The following DPP4 variants were observed in gnomAD, a reference collection of about 807,000 sequenced individuals.
The protein encoded by DPP4 is dipeptidyl peptidase 4, also known as ADCP-2.
DPP4 carries 93 observed loss-of-function variants against 122.4 expected under a neutral mutation model. The observed-to-expected ratio is 0.76, with a 90% CI of 0.64 to 0.90. The LOEUF (loss-of-function observed/expected upper bound fraction) is 0.90, where lower values mean the gene tolerates loss of function less well. DPP4 is among the 40% of genes least tolerant of loss of function. The pLI is 0.00. For missense variants in DPP4, 914 were observed against 907.3 expected (o/e 1.01, Z -0.09); for synonymous variants, 321 against 302.9 (o/e 1.06, Z -0.62).
At chr2:162,023,484 C>G (rs1253708165) in intron 11 of DPP4, among the ~76,000 whole-genome samples, 1 of 152,226 alleles carries the variant, frequency 6.6e-6, no homozygotes, top group African/African-American at 2.4e-5. Flanking sequence ...ACCTCTCCCC[C>G]AGTCCCTAGT....
At chr2:162,038,483 T>G in intron 7 of DPP4, 61 bp from the exon 8 acceptor site, 1 of 1,508,564 alleles carries the variant, frequency 6.6e-7, no homozygotes, top group Non-Finnish European at 9.0e-7. Flanking sequence ...TATCCCGGAA[T>G]TGTAGAAACA....
chr2:162,074,069 T>C lies in DPP4; in HGVS notation c.-88A>G. ...GGCGGAGACGCGCGTCCTGCACCGCTGCTCCGGGCGGTGGAGTCACTCGCC... is the reference window on the plus strand; with the variant it reads ...GGCGGAGACGCGCGTCCTGCACCGCCGCTCCGGGCGGTGGAGTCACTCGCC... On this transcript the variant is annotated 5_prime_UTR_variant, in exon 1 of 26. Transcript: ENST00000360534. 6.5e-7 allele frequency: 1 copy of C among 1,536,610 alleles called. No individual in the cohort carries two copies. The highest frequency in any genetic ancestry group is 8.7e-7 in the Non-Finnish European group (1 of 1,142,906).
intron 10 of DPP4, among the ~76,000 whole-genome samples, chr2:162,031,178 T>G (rs1409572757): frequency 6.6e-6 from 1 of 152,226 alleles, no homozygotes; most frequent in African/African-American, 2.4e-5. Context: ...TAACTTGCTG[T>G]GTGACCTTGA....
chr2:162,019,685 G>A (rs1188489965), intron 14 of DPP4, among the ~76,000 whole-genome samples: 1 of 151,832 alleles, frequency 6.6e-6, no homozygotes, highest in African/African-American at 2.4e-5. Context: ...GAGCAGCAGA[G>A]CCACTGCTAA....
chr2:162,061,821 T>C, intron 2 of DPP4, among the ~76,000 whole-genome samples: 1 of 152,176 alleles, frequency 6.6e-6, no homozygotes, highest in East Asian at 1.9e-4. Context: ...CTCCTGCCCT[T>C]ATGAAGCTTA....
At chr2:162,000,334 T>C (rs1349474400) in intron 23 of DPP4, among the ~76,000 whole-genome samples, 1 of 152,162 alleles carries the variant, frequency 6.6e-6, no homozygotes. Flanking sequence ...ATGTTTTACT[T>C]ATGTACATCT....
At chr2:162,020,094 A>T in intron 14 of DPP4, 135 bp downstream of exon 14, 2 of 726,976 alleles carry the variant, frequency 2.8e-6, no homozygotes, top group Non-Finnish European at 4.5e-6. Context: ...TCCGTATGTT[A>T]AAAAGAAAAA....
In DPP4 at chr2:162,019,215, G is replaced by T; in HGVS notation, c.1298+8C>A. 1 of 1,594,782 alleles carries T rather than the reference G, an allele frequency of 6.3e-7. No individual in the cohort carries two copies. The highest frequency in any genetic ancestry group is 1.7e-5 in the Admixed American group (1 of 58,264). On this transcript the variant is annotated splice_region_variant and intron_variant, in intron 15 of 25. Coordinates refer to ENST00000360534, the MANE Select transcript of DPP4 (RefSeq NM_001935.4). The stretch of plus-strand genomic sequence containing the variant: ...TGACTCAAGTCAACAACTTGACAGA[G>T]CTCTTACTTATAAAGATTCCTTCCT...
intron 1 of DPP4, 80 bp from the exon 2 acceptor site, chr2:162,073,566 A>T: frequency 7.1e-7 from 1 of 1,407,532 alleles, no homozygotes; most frequent in Non-Finnish European, 1.0e-6. Context: ...GCTGCTCCAG[A>T]GGCAGCAGGA....
chr2:162,024,754 C>A (rs200328472), intron 11 of DPP4, 50 bp downstream of exon 11: 2 of 1,596,310 alleles, frequency 1.3e-6, no homozygotes, highest in Non-Finnish European at 1.7e-6. Context: ...CTGCACAGAC[C>A]CTCTGATCAC....
At chr2:162,015,801 T>C (rs148176683) in intron 18 of DPP4, among the ~76,000 whole-genome samples, 1 of 152,282 alleles carries the variant, frequency 6.6e-6, no homozygotes, top group Non-Finnish European at 1.5e-5. Flanking sequence ...GAATGTCACA[T>C]CTCAGTATTC....
chr2:161,993,718 A>G (rs749679189), intron 25 of DPP4, among the ~76,000 whole-genome samples: 5 of 152,198 alleles, frequency 3.3e-5, no homozygotes, highest in Non-Finnish European at 5.9e-5. Context: ...ATTTGACTCA[A>G]AGGGCGCTTA....
At chr2:162,002,677 G>A (rs892934820) in intron 23 of DPP4, among the ~76,000 whole-genome samples, 1 of 139,066 alleles carries the variant, frequency 7.2e-6, no homozygotes, top group South Asian at 2.1e-4. Flanking sequence ...AAGAGGAAGA[G>A]AGAGAGAGAG....
chr2:162,041,268 A>G (rs1328485805), intron 5 of DPP4, among the ~76,000 whole-genome samples: 2 of 152,196 alleles, frequency 1.3e-5, no homozygotes, highest in African/African-American at 2.4e-5. Flanking sequence ...ACTTGTCTAT[A>G]CGTCTGCCTT....
At chr2:162,057,838 T>C (rs1684627734) in intron 2 of DPP4, among the ~76,000 whole-genome samples, 1 of 152,180 alleles carries the variant, frequency 6.6e-6, no homozygotes, top group Admixed American at 6.5e-5. Context: ...AGTGGCACAA[T>C]CTTGGCTCAC....
chr2:162,054,007 C>G (rs182668066), intron 2 of DPP4, among the ~76,000 whole-genome samples: 1 of 151,950 alleles, frequency 6.6e-6, no homozygotes, highest in Non-Finnish European at 1.5e-5. Context: ...CACCATGGGC[C>G]GTGCCCAGCA....
rs1682765538 is a variant in DPP4 at position 162,013,132 on chromosome 2, T to C, written c.1638-1145A>G. On this transcript the variant is annotated intron_variant, in intron 19 of 25. Transcript: ENST00000360534. ...TAACCCCAAGATTAAACAAGATTAT[T>C]TTTTAAAATAGAAAAAAAAAAAAGA... is the stretch of plus-strand genomic sequence containing the variant. Among the ~76,000 whole-genome samples the C allele has an allele frequency of 3.0e-5, 3 of 100,218 alleles. No homozygotes were observed. In the South Asian group the frequency reaches 8.2e-4, roughly 28 times the overall value. The allele number at this position is 100,218 out of a possible 152,430, so 65.7% of individuals were successfully genotyped here.
At chr2:162,005,445 T>C (rs1701260440) in intron 23 of DPP4, among the ~76,000 whole-genome samples, 1 of 152,212 alleles carries the variant, frequency 6.6e-6, no homozygotes, top group Non-Finnish European at 1.5e-5. Context: ...TAAAGGAATA[T>C]GTTGAATTTC....
chr2:162,047,282 A>T, intron 3 of DPP4, 121 bp downstream of exon 3: 2 of 560,038 alleles, frequency 3.6e-6, no homozygotes, highest in South Asian at 8.1e-5. Context: ...AGAAAAAAAA[A>T]ACTCTCTATA....
Sources: allele counts gnomAD v4.1 joint callset (sites outside exome capture counted in the v4.1 genomes callset), GRCh38; gene constraint gnomAD v4.1.1; transcripts MANE v1.5; gene names NCBI Gene and HGNC (gene_info 2026-07-23, HGNC 2026-07-21).